IL1RAPL1: variants seen among roughly 807,000 people sequenced by gnomAD.
IL1RAPL1 encodes interleukin 1 receptor accessory protein like 1.
IL1RAPL1 carries 3 observed loss-of-function variants against 48.4 expected under a neutral mutation model. That is an observed-to-expected ratio of 0.06 (90% CI 0.03 to 0.16). IL1RAPL1 has a LOEUF of 0.16. Among genes scored for constraint, IL1RAPL1 ranks in the 10% least tolerant of loss-of-function variants. The probability of loss-of-function intolerance (pLI) is 1.00; values close to 1 mark genes in which losing one functional copy is unlikely to be tolerated. For missense variants in IL1RAPL1, 349 were observed against 530.6 expected (o/e 0.66, Z 3.36); for synonymous variants, 185 against 187.7 (o/e 0.99, Z 0.12).
intron 5 of IL1RAPL1, among the ~76,000 whole-genome samples, chrX:29,593,517 G>A (rs1923448642): frequency 8.9e-6 from 1 of 111,758 alleles, no homozygotes; most frequent in Non-Finnish European, 1.9e-5. Context: ...TAAGTTGTAG[G>A]TCACTGACAG....
At chrX:29,572,657 T>G (rs993346691) in intron 5 of IL1RAPL1, among the ~76,000 whole-genome samples, 4 of 112,531 alleles carry the variant, frequency 3.6e-5, no homozygotes, top group African/African-American at 1.3e-4. Context: ...TCAAACAAGT[T>G]TATGGAATGA....
At chrX:29,915,075 C>T (rs1323627177) in intron 6 of IL1RAPL1, among the ~76,000 whole-genome samples, 1 of 110,318 alleles carries the variant, frequency 9.1e-6, no homozygotes, top group African/African-American at 3.4e-5. Context: ...GCGGGCAGAT[C>T]ACGAGGTCAG....
chrX:29,816,619 A>G (rs965000535), intron 6 of IL1RAPL1, among the ~76,000 whole-genome samples: 3 of 111,168 alleles, frequency 2.7e-5, no homozygotes, highest in Non-Finnish European at 5.7e-5. Context: ...TGAAGACACA[A>G]CAAAAAAAGA....
intron 1 of IL1RAPL1, among the ~76,000 whole-genome samples, chrX:28,720,521 A>G (rs777200861): frequency 8.9e-6 from 1 of 112,112 alleles, no homozygotes; most frequent in African/African-American, 3.2e-5. Flanking sequence ...CAAATTACCT[A>G]CTACTTGTTA....
chrX:29,862,692 C>T (rs1195818293), intron 6 of IL1RAPL1, among the ~76,000 whole-genome samples: 3 of 110,440 alleles, frequency 2.7e-5, no homozygotes, highest in African/African-American at 9.9e-5. Context: ...ATCTTTGCAT[C>T]TTATTGGAAA....
chrX:29,597,516 A>G (rs1923591509), intron 5 of IL1RAPL1, among the ~76,000 whole-genome samples: 1 of 110,844 alleles, frequency 9.0e-6, no homozygotes. Flanking sequence ...TTTTTTTGTT[A>G]TGTCCTTCTC....
intron 2 of IL1RAPL1, among the ~76,000 whole-genome samples, chrX:29,218,505 G>A (rs1930918435): frequency 9.0e-6 from 1 of 111,690 alleles, no homozygotes; most frequent in Admixed American, 9.6e-5. Flanking sequence ...TGCAACTGAT[G>A]TTGAGCAATT....
chrX:29,399,542 C>T (rs1027289074), intron 5 of IL1RAPL1, among the ~76,000 whole-genome samples: 6 of 111,517 alleles, frequency 5.4e-5, no homozygotes, highest in African/African-American at 1.3e-4. Flanking sequence ...ACTTTTGGGC[C>T]GGGCACCGTG....
intron 5 of IL1RAPL1, among the ~76,000 whole-genome samples, chrX:29,607,655 A>T (rs2147065848): frequency 9.0e-6 from 1 of 111,331 alleles, no homozygotes; most frequent in South Asian, 3.8e-4. Flanking sequence ...GGACTTAATG[A>T]TTCCACACTC....
chrX:28,744,453 A>C (rs1239680939), intron 1 of IL1RAPL1, among the ~76,000 whole-genome samples: 1 of 111,805 alleles, frequency 8.9e-6, no homozygotes, highest in Non-Finnish European at 1.9e-5. Context: ...AAGCAGTATG[A>C]GAACCCAAGC....
intron 5 of IL1RAPL1, among the ~76,000 whole-genome samples, chrX:29,619,349 A>T (rs1204604001): frequency 9.0e-6 from 1 of 111,605 alleles, no homozygotes; most frequent in Non-Finnish European, 1.9e-5. Context: ...CCCAACCCCA[A>T]TAATCATTTC....
At chrX:29,241,311 G>C (rs1931418524) in intron 2 of IL1RAPL1, among the ~76,000 whole-genome samples, 1 of 111,986 alleles carries the variant, frequency 8.9e-6, no homozygotes, top group African/African-American at 3.2e-5. Context: ...AAAATGGTGA[G>C]TTGGGATACC....
chrX:29,905,759 TATAG>T (rs948088132), intron 6 of IL1RAPL1, among the ~76,000 whole-genome samples: 5 of 111,350 alleles, frequency 4.5e-5, no homozygotes, highest in African/African-American at 1.6e-4. Flanking sequence ...TATTCCCTTT[TATAG>T]ATAATTTTCA....
intron 5 of IL1RAPL1, among the ~76,000 whole-genome samples, chrX:29,425,675 G>T (rs938623904): frequency 9.0e-6 from 1 of 111,288 alleles, no homozygotes; most frequent in African/African-American, 3.3e-5. Context: ...CGCCTCCTGG[G>T]CTCAAGCAAT....
intron 3 of IL1RAPL1, among the ~76,000 whole-genome samples, chrX:29,298,568 C>T (rs1244477059): frequency 8.9e-6 from 1 of 112,019 alleles, no homozygotes; most frequent in African/African-American, 3.2e-5. Context: ...GCACACCTTT[C>T]TTCCTTCCCA....
intron 6 of IL1RAPL1, among the ~76,000 whole-genome samples, chrX:29,916,807 C>A (rs1226461919): frequency 8.9e-6 from 1 of 111,850 alleles, no homozygotes; most frequent in South Asian, 3.7e-4. Flanking sequence ...TTCTAAGTAG[C>A]GTATTGAAAT....
chrX:28,630,252 T>A (rs768486121), intron 1 of IL1RAPL1, among the ~76,000 whole-genome samples: 11 of 111,555 alleles, frequency 9.9e-5, no homozygotes, highest in Non-Finnish European at 1.3e-4. Context: ...CAATTTTCCC[T>A]AGCTTTCTTC....
chrX:29,118,429 T>G (rs1928717617), intron 2 of IL1RAPL1, among the ~76,000 whole-genome samples: 2 of 111,807 alleles, frequency 1.8e-5, no homozygotes, highest in African/African-American at 6.5e-5. Context: ...GTTCTAGAGC[T>G]AGATTTCTAA....
chrX:28,866,823 T>C (rs1169356261), intron 2 of IL1RAPL1, among the ~76,000 whole-genome samples: 1 of 112,144 alleles, frequency 8.9e-6, no homozygotes, highest in African/African-American at 3.2e-5. Flanking sequence ...GAGAGTTATA[T>C]GTTATACAGT....
Sources: gnomAD v4.1 joint callset for allele counts (sites outside exome capture counted in the v4.1 genomes callset) on GRCh38, gnomAD v4.1.1 for gene constraint, MANE v1.5 for transcripts, NCBI Gene and HGNC (gene_info 2026-07-23, HGNC 2026-07-21) for gene names.